The following AR variants were observed in gnomAD, a reference collection of about 807,000 sequenced individuals.
The protein encoded by AR is dihydrotestosterone receptor.
AR carries 8 observed loss-of-function variants against 53.9 expected under a neutral mutation model. The ratio of observed to expected loss-of-function variants is 0.15; its 90% CI spans 0.09 to 0.27. AR has a LOEUF of 0.27. Ranked by LOEUF, AR falls within the 10% of genes least tolerant of loss-of-function variation. The probability of loss-of-function intolerance (pLI) is 1.00; values close to 1 mark genes in which losing one functional copy is unlikely to be tolerated. For synonymous variants in AR, 359 were observed against 316.4 expected, an observed-to-expected ratio of 1.13 and a Z score of -1.43; for missense variants, 639 against 742.5, an observed-to-expected ratio of 0.86 and a Z score of 1.62.
chrX:67,600,396 G>T (rs1042711367), intron 1 of AR, among the ~76,000 whole-genome samples: 2 of 110,972 alleles, frequency 1.8e-5, no homozygotes, highest in African/African-American at 6.5e-5. Context: ...GCAACAAAAT[G>T]GATGGAACTG....
chrX:67,547,384 T>A (rs946527867), intron 1 of AR, among the ~76,000 whole-genome samples: 3 of 111,822 alleles, frequency 2.7e-5, no homozygotes, highest in African/African-American at 6.5e-5. Context: ...TCAGTAGAGA[T>A]AATCCAAACC....
At chrX:67,680,834 A>G in intron 2 of AR, 1 of 322,888 alleles carries the variant, frequency 3.1e-6, no homozygotes, top group South Asian at 2.7e-5. Flanking sequence ...AAGAAATCCT[A>G]CAGAGAAACA....
At chrX:67,608,157 A>C (rs746672823) in intron 1 of AR, among the ~76,000 whole-genome samples, 3 of 112,256 alleles carry the variant, frequency 2.7e-5, no homozygotes, top group Non-Finnish European at 5.6e-5. Flanking sequence ...AGTAGCAGGC[A>C]GACCAGACCA....
At chrX:67,587,144 G>A (rs747716694) in intron 1 of AR, among the ~76,000 whole-genome samples, 1 of 112,178 alleles carries the variant, frequency 8.9e-6, no homozygotes, top group East Asian at 2.8e-4. Flanking sequence ...AAGTGGGAGA[G>A]GCAAGAGTTG....
rs1929689654 is a variant in AR, at chrX:67,545,603, C to T, written c.457C>T (p.Pro153Ser). Residue 153 changes from proline (P) to serine (S), a missense_variant, in exon 1 of 8, where the codon CCG (proline) becomes TCG (serine). This residue lies in a region of AR where 423 missense variants were observed against 377.0 expected (regional missense o/e 1.12). Coordinates refer to ENST00000374690, the MANE Select transcript of AR (RefSeq NM_000044.6). ...GCTGCCGCAGCAGCTGCCAGCACCT[C>T]CGGACGAGGATGACTCAGCTGCCCC... is the stretch of plus-strand genomic sequence containing the variant. ...KGLPQQLPAPPDEDDSAAPST... is the reference protein window; with the variant it reads ...KGLPQQLPAPSDEDDSAAPST... 1 of 1,185,809 alleles carries T rather than the reference C, an allele frequency of 8.4e-7. No homozygotes were observed. Among genetic ancestry groups the T allele is most frequent in the Non-Finnish European group, 1.1e-6 (1 of 883,077 alleles).
At chrX:67,708,809 A>T (rs2076080561) in intron 3 of AR, among the ~76,000 whole-genome samples, 1 of 111,581 alleles carries the variant, frequency 9.0e-6, no homozygotes, top group Non-Finnish European at 1.9e-5. Flanking sequence ...TGACATACAG[A>T]TGGGATTTTG....
At chrX:67,640,176 C>A (rs1324869676) in intron 1 of AR, among the ~76,000 whole-genome samples, 1 of 111,129 alleles carries the variant, frequency 9.0e-6, no homozygotes, top group Non-Finnish European at 1.9e-5. Context: ...CGGACTTGAT[C>A]GTGGTGGATA....
chrX:67,560,801 A>C (rs1235924219), intron 1 of AR, among the ~76,000 whole-genome samples: 1 of 111,430 alleles, frequency 9.0e-6, no homozygotes, highest in Non-Finnish European at 1.9e-5. Flanking sequence ...TCCCAATTTC[A>C]ATACTATCCA....
intron 2 of AR, among the ~76,000 whole-genome samples, chrX:67,667,448 G>A (rs751352697): frequency 1.8e-5 from 2 of 111,267 alleles, no homozygotes; most frequent in Non-Finnish European, 3.8e-5. Context: ...ATGTTGTTTT[G>A]GTTGCAAAAG....
intron 3 of AR, 72 bp downstream of exon 3, chrX:67,686,198 A>C (rs898583374): frequency 2.8e-6 from 3 of 1,065,893 alleles, no homozygotes; most frequent in Non-Finnish European, 2.6e-6. Flanking sequence ...GTCTCTCTTT[A>C]GACCAGATTT....
At chrX:67,664,770 C>T (rs1391611642) in intron 2 of AR, among the ~76,000 whole-genome samples, 3 of 112,509 alleles carry the variant, frequency 2.7e-5, no homozygotes, top group Non-Finnish European at 3.8e-5. Flanking sequence ...CCACCCAGTT[C>T]GAGCTTCCCA....
At chrX:67,642,916 T>C (rs1296995986) in intron 1 of AR, among the ~76,000 whole-genome samples, 1 of 111,793 alleles carries the variant, frequency 8.9e-6, no homozygotes, top group East Asian at 2.8e-4. Flanking sequence ...GTTCATATCA[T>C]TTAATTAGTC....
chrX:67,710,092 G>C (rs1295522329), intron 3 of AR, among the ~76,000 whole-genome samples: 2 of 110,587 alleles, frequency 1.8e-5, no homozygotes, highest in Non-Finnish European at 3.8e-5. Flanking sequence ...GCGTGTGTGT[G>C]TGTGTGTGTT....
At position 67,569,050 on chromosome X, in the gene AR, G is replaced by T. The variant is rs765167600; in HGVS notation, c.1616+22288G>T. The T allele has an allele frequency of 5.0e-6, 6 of 1,202,568 alleles. No individual in the cohort carries two copies. In the Admixed American group the frequency reaches 1.3e-4, roughly 26 times the overall value. On this transcript the variant is annotated intron_variant, in intron 1 of 7. Coordinates refer to ENST00000374690, the MANE Select transcript of AR (RefSeq NM_000044.6). ...GGGAGGTTCTTCAATTGAAAACTTAGAACTCAGTTTCTAGGGTAGTGAGTG... is the reference window on the plus strand; with the variant it reads ...GGGAGGTTCTTCAATTGAAAACTTATAACTCAGTTTCTAGGGTAGTGAGTG...
intron 1 of AR, among the ~76,000 whole-genome samples, chrX:67,637,193 A>G (rs765139259): frequency 1.8e-5 from 2 of 109,702 alleles, no homozygotes; most frequent in East Asian, 5.8e-4. Flanking sequence ...TATTATTATT[A>G]TACTTTAAGT....
chrX:67,679,008 G>C (rs761245246), intron 2 of AR, among the ~76,000 whole-genome samples: 18 of 111,304 alleles, frequency 1.6e-4, no homozygotes, highest in Non-Finnish European at 3.0e-4. Flanking sequence ...ATATGTCTCA[G>C]TATTGCTAAA....
intron 3 of AR, among the ~76,000 whole-genome samples, chrX:67,693,700 T>C (rs1159177962): frequency 1.8e-5 from 2 of 111,805 alleles, no homozygotes; most frequent in Non-Finnish European, 3.8e-5. Flanking sequence ...TCATCTGTTA[T>C]TAATATTTCT....
chrX:67,585,381 G>C (rs1235991081), intron 1 of AR, among the ~76,000 whole-genome samples: 1 of 111,673 alleles, frequency 9.0e-6, no homozygotes, highest in Admixed American at 9.5e-5. Flanking sequence ...CTGAGTTTCT[G>C]TGGGGTGGAA....
intron 1 of AR, among the ~76,000 whole-genome samples, chrX:67,587,279 A>C (rs1004107849): frequency 2.7e-5 from 3 of 112,519 alleles, no homozygotes; most frequent in African/African-American, 6.4e-5. Context: ...AAATGTGTGC[A>C]TCCTTGCTGG....
Sources: gnomAD v4.1 joint callset for allele counts (sites outside exome capture counted in the v4.1 genomes callset) on GRCh38, gnomAD v4.1.1 for gene constraint, gnomAD v4.1.1 regional missense constraint, MANE v1.5 for transcripts, NCBI Gene and HGNC (gene_info 2026-07-23, HGNC 2026-07-21) for gene names.